The following SAV1 variants were observed in gnomAD, a reference collection of about 807,000 sequenced individuals.
SAV1 encodes salvador family WW domain containing protein 1.
In SAV1, 23 loss-of-function variants were observed where a neutral mutation model predicts 47.3. The ratio of observed to expected loss-of-function variants is 0.49; its 90% confidence interval spans 0.35 to 0.69. The LOEUF is 0.69. Among genes scored for constraint, SAV1 ranks in the 30% least tolerant of loss-of-function variants. SAV1 has a pLI of 0.01. For missense variants in SAV1, 448 were observed against 457.4 expected, an observed-to-expected ratio of 0.98 and a Z score of 0.19; for synonymous variants, 155 against 159.2, an observed-to-expected ratio of 0.97 and a Z score of 0.20.
Position 50,665,599 on chromosome 14 carries a change from G to C in SAV1, c.115C>G (p.Arg39Gly). 6.2e-7 allele frequency: 1 copy of C among 1,608,558 alleles called. No individual in the cohort carries two copies. ...CGTCTTGGAATTGTTGGACCATGCC[G>C]GATGAATGAAGGCATAAGATCTACA... ...LLRNLMPSFIRHGPTIPRRTD... is the reference protein window; with the variant it reads ...LLRNLMPSFIGHGPTIPRRTD... The change falls in exon 2 of 5, where the codon CGG becomes GGG. Residue 39 changes from arginine (R) to glycine (G), a missense_variant. Physicochemically the swap from Arg to Gly is moderately radical, Grantham distance 125. Coordinates refer to ENST00000324679, the MANE Select transcript of SAV1 (RefSeq NM_021818.4).
intron 2 of SAV1, among the ~76,000 whole-genome samples, chr14:50,657,616 A>C (rs2039823984): frequency 1.3e-5 from 2 of 152,226 alleles, no homozygotes; most frequent in African/African-American, 4.8e-5. Flanking sequence ...ATTTTGATCC[A>C]AATCAGTGGG....
chr14:50,636,143 C>T (rs2039632983), intron 4 of SAV1, among the ~76,000 whole-genome samples: 1 of 152,200 alleles, frequency 6.6e-6, no homozygotes, highest in South Asian at 2.1e-4. Context: ...AGATTTCAAA[C>T]TACAGTGGTT....
In SAV1 at chr14:50,634,090, C is replaced by T; in HGVS notation, c.*1093G>A. ...GGTTGTCATTTTTGGTAGCTTAACC[C>T]AGTCTGTCAGAAGGCAGTATGCTAT... On this transcript the variant is annotated 3_prime_UTR_variant, in exon 5 of 5. Transcript: ENST00000324679. The T allele has an allele frequency of 2.6e-6, 1 of 382,992 alleles. No individual in the cohort carries two copies. Among genetic ancestry groups the T allele is most frequent in the South Asian group, 1.9e-5 (1 of 52,150 alleles). The allele number at this position is 382,992 out of a possible 1,614,324, so 23.7% of individuals were successfully genotyped here. A position where few individuals can be genotyped will look rare whatever the true frequency, so the allele number is the denominator to read the frequency against.
intron 2 of SAV1, among the ~76,000 whole-genome samples, chr14:50,660,595 G>T (rs1035682108): frequency 6.6e-6 from 1 of 151,780 alleles, no homozygotes; most frequent in Non-Finnish European, 1.5e-5. Context: ...CCATCACCGT[G>T]AGTATTTATC....
At chr14:50,646,329 T>C (rs1444021148) in intron 2 of SAV1, among the ~76,000 whole-genome samples, 3 of 152,198 alleles carry the variant, frequency 2.0e-5, no homozygotes, top group Non-Finnish European at 4.4e-5. Context: ...CAGACTGCAG[T>C]TGCAGAGGTA....
At chr14:50,657,986 G>T (rs908710762) in intron 2 of SAV1, among the ~76,000 whole-genome samples, 7 of 152,290 alleles carry the variant, frequency 4.6e-5, no homozygotes, top group African/African-American at 1.7e-4. Context: ...AATGGATCTA[G>T]AGCTCTAACA....
At chr14:50,657,961 G>A (rs2039827276) in intron 2 of SAV1, among the ~76,000 whole-genome samples, 1 of 152,124 alleles carries the variant, frequency 6.6e-6, no homozygotes, top group Non-Finnish European at 1.5e-5. Context: ...ATTTTGTAGT[G>A]GCTACAGAGA....
At chr14:50,653,968 G>T (rs11844612) in intron 2 of SAV1, among the ~76,000 whole-genome samples, 13,867 of 152,008 alleles carry the variant, frequency 0.091, 1,035 homozygotes, top group African/African-American at 0.21. Context: ...AAAAAAAATT[G>T]TATTGCTACA....
At chr14:50,652,210 G>GTAAA (rs1247205645) in intron 2 of SAV1, among the ~76,000 whole-genome samples, 1 of 152,166 alleles carries the variant, frequency 6.6e-6, no homozygotes, top group Non-Finnish European at 1.5e-5. Flanking sequence ...GGTTAAGATG[G>GTAAA]TAAATGTTGT....
In SAV1 at chr14:50,653,865, C is replaced by T. The variant is rs923144348; in HGVS notation, c.536-8851G>A. Among the ~76,000 whole-genome samples the T allele has an allele frequency of 1.3e-4, 19 of 147,366 alleles. No homozygotes were observed. The South Asian group carries it at 3.6e-3, about 28-fold the overall frequency. ...ACCTGGCAACAGAGTGAGACTCCAT[C>T]TCAAAAAAAAAAAAAAGTTATATTT... is the stretch of plus-strand genomic sequence containing the variant. On this transcript the variant is annotated intron_variant, in intron 2 of 4. Transcript: ENST00000324679.
At chr14:50,655,013 T>C (rs1299086246) in intron 2 of SAV1, among the ~76,000 whole-genome samples, 1 of 151,120 alleles carries the variant, frequency 6.6e-6, no homozygotes, top group Non-Finnish European at 1.5e-5. Flanking sequence ...TTTTTAAAGA[T>C]GGTGACAATA....
intron 3 of SAV1, among the ~76,000 whole-genome samples, chr14:50,641,839 A>T (rs2039682848): frequency 6.6e-6 from 1 of 152,236 alleles, no homozygotes; most frequent in African/African-American, 2.4e-5. Context: ...CATTCAATCC[A>T]GCAGTCCCAT....
At chr14:50,647,412 C>T (rs1566742794) in intron 2 of SAV1, among the ~76,000 whole-genome samples, 1 of 152,076 alleles carries the variant, frequency 6.6e-6, no homozygotes, top group South Asian at 2.1e-4. Flanking sequence ...CAACCCTGAG[C>T]CTGCTGCAGT....
chr14:50,657,466 C>T (rs992132133), intron 2 of SAV1, among the ~76,000 whole-genome samples: 3 of 152,104 alleles, frequency 2.0e-5, no homozygotes, highest in Non-Finnish European at 4.4e-5. Flanking sequence ...ATTATTTTAC[C>T]AGTGGTCACA....
intron 2 of SAV1, among the ~76,000 whole-genome samples, chr14:50,652,754 G>C (rs780121543): frequency 4.6e-5 from 7 of 152,192 alleles, no homozygotes; most frequent in Non-Finnish European, 7.3e-5. Context: ...AAAAAGGCTG[G>C]GCACAGTGGC....
intron 1 of SAV1, among the ~76,000 whole-genome samples, chr14:50,667,027 T>C (rs546413644): frequency 6.6e-6 from 1 of 152,184 alleles, no homozygotes; most frequent in Admixed American, 6.5e-5. Flanking sequence ...AGAAGGAAAC[T>C]TAAGCAAAGG....
In SAV1 at chr14:50,668,290, G is replaced by T. The variant is rs2039924073; in HGVS notation, c.-323C>A. On this transcript the variant is annotated 5_prime_UTR_variant, in exon 1 of 5. Coordinates refer to ENST00000324679, the MANE Select transcript of SAV1 (RefSeq NM_021818.4). ...GGGCCATGGTCCGCCGCGGGCCGCC[G>T]AATAACCGCTACCACTACCGCCGCC... is the stretch of plus-strand genomic sequence containing the variant. 5.8e-6 allele frequency: 1 copy of T among 172,226 alleles called. No individual in the cohort carries two copies. The highest frequency in any genetic ancestry group is 2.0e-4 in the South Asian group (1 of 5,086). 10.7% of individuals were successfully genotyped at this position (172,226 alleles called of 1,614,324 possible). A position where few individuals can be genotyped will look rare whatever the true frequency, so the allele number is the denominator to read the frequency against.
chr14:50,662,965 T>A (rs2039872639), intron 2 of SAV1: 1 of 152,204 alleles, frequency 6.6e-6, no homozygotes, highest in South Asian at 2.1e-4. Flanking sequence ...ATCTGACTCT[T>A]CCCTCTCCTT....
At chr14:50,638,985 T>A (rs981629309) in intron 4 of SAV1, among the ~76,000 whole-genome samples, 2 of 152,200 alleles carry the variant, frequency 1.3e-5, no homozygotes, top group African/African-American at 4.8e-5. Context: ...GCCAGGATGG[T>A]CTCGATCTCT....
Sources: gnomAD v4.1 joint callset for allele counts (sites outside exome capture counted in the v4.1 genomes callset) on GRCh38, gnomAD v4.1.1 for gene constraint, MANE v1.5 for transcripts, NCBI Gene and HGNC (gene_info 2026-07-23, HGNC 2026-07-21) for gene names.